TRPC5OS: variants seen among roughly 807,000 people sequenced by gnomAD.
TRPC5OS encodes putative uncharacterized protein TRPC5OS.
For synonymous variants in TRPC5OS, 30 were observed against 29.3 expected, an observed-to-expected ratio of 1.02 and a Z score of -0.08; for missense variants, 64 against 79.3, an observed-to-expected ratio of 0.81 and a Z score of 0.73.
intron 1 of TRPC5OS, among the ~76,000 whole-genome samples, chrX:111,894,889 C>T (rs1443302600): frequency 9.0e-6 from 1 of 111,280 alleles, no homozygotes; most frequent in African/African-American, 3.3e-5. Context: ...TCAATAACCC[C>T]CTACCCAGAG....
chrX:111,884,907 T>C (rs922437272), intron 1 of TRPC5OS, among the ~76,000 whole-genome samples: 34 of 112,640 alleles, frequency 3.0e-4, no homozygotes, highest in African/African-American at 1.1e-3. Context: ...AGAAAAGCTG[T>C]GGTCAGACTT....
At chrX:111,884,385 A>C (rs1845868338) in intron 1 of TRPC5OS, among the ~76,000 whole-genome samples, 1 of 112,565 alleles carries the variant, frequency 8.9e-6, no homozygotes. Context: ...GCGTAAACAG[A>C]GTCTTTTAAA....
chrX:111,888,446 G>A (rs375708559), intron 1 of TRPC5OS, among the ~76,000 whole-genome samples: 3 of 105,106 alleles, frequency 2.9e-5, no homozygotes, highest in Non-Finnish European at 3.9e-5. Flanking sequence ...AGGCCGAGGC[G>A]GGCGGATCAC....
At chrX:111,886,077 C>T (rs375074782) in intron 1 of TRPC5OS, among the ~76,000 whole-genome samples, 2 of 111,417 alleles carry the variant, frequency 1.8e-5, no homozygotes, top group East Asian at 2.8e-4. Context: ...GTCAGGGGTT[C>T]GAGAAAAGCC....
intron 3 of TRPC5OS, among the ~76,000 whole-genome samples, chrX:111,898,644 T>A (rs937899313): frequency 9.0e-6 from 1 of 110,729 alleles, no homozygotes; most frequent in Non-Finnish European, 1.9e-5. Context: ...CTTAGTCTCA[T>A]GACAATTACA....
intron 1 of TRPC5OS, among the ~76,000 whole-genome samples, chrX:111,883,595 C>T (rs749412884): frequency 5.3e-4 from 59 of 111,870 alleles, no homozygotes; most frequent in Non-Finnish European, 7.7e-4. Context: ...AGAGCCTGTC[C>T]GAATTTTGAT....
chrX:111,899,398 AT>A (rs966478648), intron 3 of TRPC5OS, among the ~76,000 whole-genome samples: 3 of 111,640 alleles, frequency 2.7e-5, no homozygotes, highest in African/African-American at 6.5e-5. Context: ...ATTTATTCCA[AT>A]TTTTTTCCAG....
At chrX:111,881,688 T>G (rs1172435271) in intron 1 of TRPC5OS, among the ~76,000 whole-genome samples, 3 of 110,830 alleles carry the variant, frequency 2.7e-5, no homozygotes, top group African/African-American at 9.9e-5. Flanking sequence ...CTATAAGCAG[T>G]CTGTTTCCTG....
Position 111,901,685 on chromosome X carries a change from T to C in TRPC5OS, c.-165T>C. The C allele has an allele frequency of 2.5e-6, 1 of 400,198 alleles. No homozygotes were observed. The highest frequency in any genetic ancestry group is 4.3e-6 in the Non-Finnish European group (1 of 235,084). The allele number at this position is 400,198 out of a possible 1,213,427, so 33.0% of individuals were successfully genotyped here. ...ATCAAAAAGTTATATTGTTCTACTG[T>C]TCTCATTCTTTACTTGATCACCATC... On this transcript the variant is annotated 5_prime_UTR_variant, in exon 4 of 4. Transcript: ENST00000635763.
rs748146421 is a variant in TRPC5OS at position 111,886,144 on chromosome X, G to T, written c.-545-9807G>T. Among the ~76,000 whole-genome samples the T allele has an allele frequency of 2.7e-5, 3 of 111,622 alleles. No homozygotes were observed. The South Asian group carries it at 1.2e-3, about 44-fold the overall frequency. ...AAAATATAAAAAATAGTTGGGCATG[G>T]TGGTGGGCGCCTGTAATCCCAGCTA... On this transcript the variant is annotated intron_variant, in intron 1 of 3. Transcript: ENST00000635763.
At chrX:111,886,743 A>G (rs1924518280) in intron 1 of TRPC5OS, among the ~76,000 whole-genome samples, 1 of 112,109 alleles carries the variant, frequency 8.9e-6, no homozygotes, top group Admixed American at 9.4e-5. Context: ...AATTGCCAGA[A>G]GGTACCGAGG....
At chrX:111,894,577 C>G (rs1924966250) in intron 1 of TRPC5OS, among the ~76,000 whole-genome samples, 1 of 111,562 alleles carries the variant, frequency 9.0e-6, no homozygotes, top group African/African-American at 3.3e-5. Flanking sequence ...GAGAGCCACA[C>G]AGGCCAAAGG....
chrX:111,893,832 A>G (rs1209509207), intron 1 of TRPC5OS, among the ~76,000 whole-genome samples: 2 of 111,612 alleles, frequency 1.8e-5, no homozygotes, highest in Non-Finnish European at 3.8e-5. Context: ...TAAAGGCAAA[A>G]GTTTGTAGCT....
intron 1 of TRPC5OS, among the ~76,000 whole-genome samples, chrX:111,893,078 G>A (rs1251292326): frequency 1.0e-5 from 1 of 98,587 alleles, no homozygotes; most frequent in Non-Finnish European, 2.0e-5. Flanking sequence ...TCAAATATAG[G>A]GTTTTTTTTT....
At chrX:111,878,698 G>A (rs1294562952) in intron 1 of TRPC5OS, among the ~76,000 whole-genome samples, 2 of 111,377 alleles carry the variant, frequency 1.8e-5, no homozygotes, top group African/African-American at 6.5e-5. Context: ...TGGGCAGATG[G>A]GTGGGTGGAG....
At chrX:111,881,221 G>A (rs1924202499) in intron 1 of TRPC5OS, among the ~76,000 whole-genome samples, 1 of 105,897 alleles carries the variant, frequency 9.4e-6, no homozygotes, top group African/African-American at 3.7e-5. Flanking sequence ...CCTGTCACCA[G>A]GCTGGAGTGT....
intron 1 of TRPC5OS, among the ~76,000 whole-genome samples, 187 bp downstream of exon 1, chrX:111,876,460 G>A (rs1265785437): frequency 1.8e-5 from 2 of 111,373 alleles, no homozygotes; most frequent in Non-Finnish European, 3.8e-5. Context: ...ATTCAAGTGG[G>A]ATACATATTT....
At chrX:111,899,849 T>A (rs1156451647) in intron 3 of TRPC5OS, among the ~76,000 whole-genome samples, 1 of 111,410 alleles carries the variant, frequency 9.0e-6, no homozygotes, top group Non-Finnish European at 1.9e-5. Context: ...AACAAACAGA[T>A]CCTTTGAATT....
rs1486709536 is a variant in TRPC5OS at position 111,895,952 on chromosome X, T to C, written c.-544T>C. ...TGTCCCTCTAACTTCAAAATCTAGG[T>C]AACCTTTTAAGGTGGAGACCGGTGG... On this transcript the variant is annotated splice_region_variant and 5_prime_UTR_variant, in exon 2 of 4. Transcript: ENST00000635763. The C allele has an allele frequency of 9.0e-6, 1 of 111,622 alleles. No homozygotes were observed. Among genetic ancestry groups the C allele is most frequent in the Non-Finnish European group, 1.9e-5 (1 of 53,092 alleles). 9.2% of individuals were successfully genotyped at this position (111,622 alleles called of 1,213,427 possible). A position where few individuals can be genotyped will look rare whatever the true frequency, so the allele number is the denominator to read the frequency against.
Sources: allele counts gnomAD v4.1 joint callset (sites outside exome capture counted in the v4.1 genomes callset), GRCh38; gene constraint gnomAD v4.1.1; transcripts MANE v1.5; gene names NCBI Gene and HGNC (gene_info 2026-07-23, HGNC 2026-07-21).